MALT1: variants seen among roughly 807,000 people sequenced by gnomAD.
MALT1 encodes the protein MALT1 paracaspase, also known as mucosa-associated lymphoid tissue lymphoma translocation protein 1.
MALT1 carries 36 observed loss-of-function variants against 85.5 expected under a neutral mutation model. That is an observed-to-expected ratio of 0.42 (90% CI 0.32 to 0.56). The LOEUF is 0.56. Among genes scored for constraint, MALT1 ranks in the 20% least tolerant of loss-of-function variants. The pLI, the probability that MALT1 is intolerant of heterozygous loss-of-function variation, is 0.10. For synonymous variants in MALT1, 359 were observed against 361.3 expected (o/e 0.99, Z 0.07); for missense variants, 716 against 981.6 (o/e 0.73, Z 3.62).
Position 58,700,562 on chromosome 18 carries a change from A to G in MALT1, c.620A>G (p.Asp207Gly). The change falls in exon 4 of 17, where the codon GAT (aspartate) becomes GGT (glycine). Residue 207 changes from aspartate (D) to glycine (G), a missense_variant. Physicochemically the swap from Asp to Gly is moderately conservative, Grantham distance 94. Around this residue, in one of 4 missense-constraint regions of MALT1, gnomAD observed 290 missense variants for 380.5 expected, o/e 0.76. Coordinates refer to ENST00000649217, the MANE Select transcript of MALT1 (RefSeq NM_006785.4). ...GAATTCAGCCAGTGGTCACAGCTGG[A>G]TGTTTGCGACATCCCAGAGAGCTTC... ...TFEFSQWSQL[D>G]VCDIPESFQR... 2 of 1,610,058 alleles carry G rather than the reference A, an allele frequency of 1.2e-6. No individual in the cohort carries two copies. The highest frequency in any genetic ancestry group is 1.1e-5 in the South Asian group (1 of 90,116).
intron 13 of MALT1, among the ~76,000 whole-genome samples, chr18:58,737,520 TCA>T (rs991184735): frequency 3.3e-5 from 5 of 151,894 alleles, no homozygotes; most frequent in African/African-American, 1.2e-4. Flanking sequence ...AGAAAAGTAT[TCA>T]CAGATTATAA....
At chr18:58,727,616 G>GTTTTTTTTTTTTTTTTTTTTTTTTTTT (rs751434443) in intron 10 of MALT1, among the ~76,000 whole-genome samples, 1 of 121,264 alleles carries the variant, frequency 8.2e-6, no homozygotes, top group African/African-American at 3.3e-5. Context: ...GGTTTTTTGT[G>GTTTTTTTTTTTTTTTTTTTTTTTTTTT]TTTTTTTTTT....
intron 1 of MALT1, among the ~76,000 whole-genome samples, chr18:58,677,283 G>GC (rs1555682031): frequency 2.6e-5 from 3 of 117,384 alleles, no homozygotes; most frequent in South Asian, 4.3e-4. Flanking sequence ...TTGTTCTTTT[G>GC]GGGGGGAAGG....
At chr18:58,689,799 T>C (rs1345984260) in intron 2 of MALT1, among the ~76,000 whole-genome samples, 2 of 151,944 alleles carry the variant, frequency 1.3e-5, no homozygotes, top group African/African-American at 4.8e-5. Flanking sequence ...TGGAAGCCAG[T>C]GGGGTGGCGG....
intron 2 of MALT1, among the ~76,000 whole-genome samples, chr18:58,687,616 CTT>C (rs1396717994): frequency 6.6e-6 from 1 of 152,048 alleles, no homozygotes; most frequent in Non-Finnish European, 1.5e-5. Context: ...TGATAAAAAT[CTT>C]TTTTTGTTTC....
Position 58,752,506 on chromosome 18 carries a change from TG to T in MALT1, c.*4666del, listed in dbSNP as rs2055459586. 1 of 151,446 alleles carries T rather than the reference TG, an allele frequency of 6.6e-6. No individual in the cohort carries two copies. The highest frequency in any genetic ancestry group is 1.5e-5 in the Non-Finnish European group (1 of 67,994). The allele number at this position is 151,446 out of a possible 1,614,324, so 9.4% of individuals were successfully genotyped here. A position where few individuals can be genotyped will look rare whatever the true frequency, so the allele number is the denominator to read the frequency against. On this transcript the variant is annotated 3_prime_UTR_variant, in exon 17 of 17. Transcript: ENST00000649217. ...GAGTTTGACACTGAAACCCTGGGCA[TG>T]GTGGCTCACACCTGTAATCCCAGCA...
At chr18:58,729,827 TTTC>T (rs1337928534) in intron 10 of MALT1, among the ~76,000 whole-genome samples, 3 of 152,214 alleles carry the variant, frequency 2.0e-5, no homozygotes, top group Non-Finnish European at 4.4e-5. Context: ...GTCATTATGA[TTTC>T]TTATCAGAAA....
chr18:58,733,307 A>G (rs1602334231), intron 10 of MALT1, 90 bp from the exon 11 acceptor site: 1 of 797,514 alleles, frequency 1.3e-6, no homozygotes, highest in South Asian at 1.9e-5. Context: ...AATTAAAGTC[A>G]AGGTTTTTCT....
rs538062021 is a variant in MALT1, at chr18:58,749,539, A to G, written c.*1697A>G. ...ATCTTGTTCAGCCTCAGCTGGGAAC[A>G]TGTGTACTGGGTGACTCAAATTTTT... On this transcript the variant is annotated 3_prime_UTR_variant, in exon 17 of 17. Coordinates refer to ENST00000649217, the MANE Select transcript of MALT1 (RefSeq NM_006785.4). The G allele has an allele frequency of 1.0e-4, 22 of 217,780 alleles. No homozygotes were observed. The highest frequency in any genetic ancestry group is 4.9e-4 in the African/African-American group (22 of 44,594). The allele number at this position is 217,780 out of a possible 1,614,324, so 13.5% of individuals were successfully genotyped here.
rs749961711 is a variant in MALT1, at chr18:58,723,287, CATT to C, written c.1222+40_1222+42del. The C allele has an allele frequency of 6.1e-6, 9 of 1,476,260 alleles. No homozygotes were observed. In the East Asian group the frequency reaches 6.9e-5, roughly 11 times the overall value. 91.4% of individuals were successfully genotyped at this position (1,476,260 alleles called of 1,614,324 possible). ...TATAATGTTTGTTTTTACAATTATC[CATT>C]ATTCTTTTCATTATACAAGTTAGGT... On this transcript the variant is annotated intron_variant, in intron 10 of 16. Transcript: ENST00000649217.
chr18:58,688,823 G>A lies in MALT1; in HGVS notation c.376+7487G>A, dbSNP rs138965396. On this transcript the variant is annotated intron_variant, in intron 2 of 16. Transcript: ENST00000649217. ...TTCTCAGTAAGGTAGGCTCACTGTG[G>A]CAGAAAGCGGGATTACCGTGGGAGA... Among the ~76,000 whole-genome samples the A allele has an allele frequency of 8.5e-5, 13 of 152,190 alleles. No homozygotes were observed. In the South Asian group the frequency reaches 1.2e-3, roughly 15 times the overall value.
Position 58,697,008 on chromosome 18 carries a change from C to A in MALT1, c.498+521C>A, listed in dbSNP as rs577638183. ...ATGATTGGATCCCTGCAGCACCCAA[C>A]AAATAATTTAAATTCACATTTTAGA... On this transcript the variant is annotated intron_variant, in intron 3 of 16. Coordinates refer to ENST00000649217, the MANE Select transcript of MALT1 (RefSeq NM_006785.4). 3.3e-5 allele frequency among the ~76,000 whole-genome samples: 5 copies of A among 152,282 alleles called. No individual in the cohort carries two copies. In the East Asian group the frequency reaches 9.6e-4, roughly 29 times the overall value.
At chr18:58,716,940 G>A (rs2054909268) in intron 9 of MALT1, among the ~76,000 whole-genome samples, 1 of 152,228 alleles carries the variant, frequency 6.6e-6, no homozygotes, top group Non-Finnish European at 1.5e-5. Context: ...TAATCAGAAT[G>A]TTGAAACCTC....
At chr18:58,725,673 G>T (rs190970478) in intron 10 of MALT1, among the ~76,000 whole-genome samples, 14 of 152,250 alleles carry the variant, frequency 9.2e-5, no homozygotes, top group African/African-American at 3.4e-4. Context: ...AAGATTGAGG[G>T]AATCATATGA....
intron 9 of MALT1, among the ~76,000 whole-genome samples, chr18:58,722,305 C>A (rs779067576): frequency 6.6e-6 from 1 of 152,102 alleles, no homozygotes; most frequent in Non-Finnish European, 1.5e-5. Flanking sequence ...GGCATAGATA[C>A]AGATCTTTTT....
At chr18:58,723,994 G>A (rs1344914713) in intron 10 of MALT1, among the ~76,000 whole-genome samples, 1 of 152,176 alleles carries the variant, frequency 6.6e-6, no homozygotes, top group African/African-American at 2.4e-5. Flanking sequence ...TTGCAGGATT[G>A]TGCTTCCATG....
chr18:58,671,483 C>A lies in MALT1; in HGVS notation c.-161C>A, dbSNP rs887658675. 2.0e-4 allele frequency: 84 copies of A among 426,000 alleles called. No individual in the cohort carries two copies. The highest frequency in any genetic ancestry group is 1.2e-3 in the African/African-American group (59 of 48,392). 26.4% of individuals were successfully genotyped at this position (426,000 alleles called of 1,614,324 possible). A position where few individuals can be genotyped will look rare whatever the true frequency, so the allele number is the denominator to read the frequency against. ...CCTCGGCAAACCTGTCTAATTGGGG[C>A]GGGGAGCGGAGCTTCCTCCTCTGAG... On this transcript the variant is annotated 5_prime_UTR_variant, in exon 1 of 17. Coordinates refer to ENST00000649217, the MANE Select transcript of MALT1 (RefSeq NM_006785.4).
intron 2 of MALT1, among the ~76,000 whole-genome samples, chr18:58,683,469 T>C (rs1216987450): frequency 2.0e-5 from 3 of 152,220 alleles, no homozygotes; most frequent in Non-Finnish European, 4.4e-5. Flanking sequence ...CTCATATCTC[T>C]TTTGATTTGT....
intron 10 of MALT1, among the ~76,000 whole-genome samples, chr18:58,728,059 T>C (rs570764431): frequency 2.6e-5 from 4 of 152,278 alleles, no homozygotes; most frequent in African/African-American, 9.6e-5. Flanking sequence ...CATATTCAGT[T>C]GAGTGGAAAA....
Sources: gnomAD v4.1 joint callset for allele counts (sites outside exome capture counted in the v4.1 genomes callset) on GRCh38, gnomAD v4.1.1 for gene constraint, gnomAD v4.1.1 regional missense constraint, MANE v1.5 for transcripts, NCBI Gene and HGNC (gene_info 2026-07-23, HGNC 2026-07-21) for gene names.